Variants in MPHOSPH9 observed in about 807,000 individuals in gnomAD.
MPHOSPH9 encodes the protein M-phase phosphoprotein 9.
Under a neutral mutation model 145.5 loss-of-function variants are expected in MPHOSPH9, and 88 were observed. The observed-to-expected ratio is 0.60, with a 90% confidence interval of 0.51 to 0.72. The LOEUF (loss-of-function observed/expected upper bound fraction) is 0.72, where lower values mean the gene tolerates loss of function less well. Among genes scored for constraint, MPHOSPH9 ranks in the 30% least tolerant of loss-of-function variants. The pLI, the probability that MPHOSPH9 is intolerant of heterozygous loss-of-function variation, is 0.00. For synonymous variants in MPHOSPH9, 435 were observed against 486.2 expected (o/e 0.89, Z 1.39); for missense variants, 1,238 against 1,386.6 (o/e 0.89, Z 1.70).
chr12:123,214,689 T>C, intron 7 of MPHOSPH9, 55 bp downstream of exon 7: 1 of 1,367,214 alleles, frequency 7.3e-7, no homozygotes, highest in Non-Finnish European at 1.0e-6. Context: ...TCTAAGTACC[T>C]TCCTCTGAGT....
At chr12:123,198,873 A>G (rs919126645) in intron 11 of MPHOSPH9, among the ~76,000 whole-genome samples, 36 of 151,578 alleles carry the variant, frequency 2.4e-4, no homozygotes, top group African/African-American at 8.2e-4. Context: ...AAAAAAAGAC[A>G]TGCATAAAAT....
At chr12:123,177,000 G>T (rs764429307) in intron 15 of MPHOSPH9, among the ~76,000 whole-genome samples, 36 of 151,528 alleles carry the variant, frequency 2.4e-4, no homozygotes, top group Non-Finnish European at 3.4e-4. Context: ...GAACATCCTG[G>T]TCAATATGGT....
At chr12:123,156,976 G>A in intron 23 of MPHOSPH9, 68 bp from the exon 24 acceptor site, 1 of 1,200,254 alleles carries the variant, frequency 8.3e-7, no homozygotes, top group Non-Finnish European at 1.2e-6. Context: ...CCACCAAACT[G>A]ACCTTTCTTT....
intron 13 of MPHOSPH9, among the ~76,000 whole-genome samples, chr12:123,181,621 G>A (rs1462946500): frequency 6.6e-6 from 1 of 152,056 alleles, no homozygotes; most frequent in Non-Finnish European, 1.5e-5. Flanking sequence ...ACTTTGGGAG[G>A]CTGAGGTGGA....
chr12:123,223,210 C>G (rs758999964), intron 3 of MPHOSPH9, 83 bp from the exon 4 acceptor site: 1 of 836,068 alleles, frequency 1.2e-6, no homozygotes, highest in Non-Finnish European at 1.7e-6. Context: ...GTAAAAGAGC[C>G]CTTTTTAGGT....
rs779880394 is a variant in MPHOSPH9 at position 123,202,720 on chromosome 12, G to A, written c.1685C>T (p.Ser562Leu). The A allele has an allele frequency of 3.7e-6, 6 of 1,614,042 alleles. No homozygotes were observed. The highest frequency in any genetic ancestry group is 1.3e-5 in the African/African-American group (1 of 74,922). ...VDEENTVMVASASVSQSQLPG... is the reference protein window; with the variant it reads ...VDEENTVMVALASVSQSQLPG... ...AAGCTGGGACTGACTGACTGAGGCC[G>A]AAGCAACCATGACAGTGTTTTCTTC... is the stretch of plus-strand genomic sequence containing the variant. Residue 562 changes from serine (S) to leucine (L), a missense_variant, in exon 10 of 24, where the codon TCG becomes TTG. Physicochemically the swap from Ser to Leu is moderately radical, Grantham distance 145. Coordinates refer to ENST00000606320, the MANE Select transcript of MPHOSPH9 (RefSeq NM_022782.4).
At chr12:123,226,055 A>C (rs1444347778) in intron 3 of MPHOSPH9, among the ~76,000 whole-genome samples, 1 of 152,170 alleles carries the variant, frequency 6.6e-6, no homozygotes, top group East Asian at 1.9e-4. Flanking sequence ...CAAACAAATA[A>C]ACAAAAAGCT....
At chr12:123,163,314 A>C (rs2044184947) in intron 19 of MPHOSPH9, 180 bp from the exon 20 acceptor site, 1 of 600,492 alleles carries the variant, frequency 1.7e-6, no homozygotes. Context: ...CCTAGAGGTA[A>C]CCACTGTAAC....
At chr12:123,221,016 C>A (rs1020653762) in intron 5 of MPHOSPH9, among the ~76,000 whole-genome samples, 1 of 152,194 alleles carries the variant, frequency 6.6e-6, no homozygotes, top group Admixed American at 6.5e-5. Context: ...GATTGCGCCA[C>A]TGCACTCCAG....
At chr12:123,214,723 A>G in intron 7 of MPHOSPH9, 21 bp downstream of exon 7, 3 of 1,576,186 alleles carry the variant, frequency 1.9e-6, no homozygotes, top group Non-Finnish European at 2.6e-6. Context: ...GTTAAAAAAA[A>G]TAAAAATGTA....
At chr12:123,181,065 G>C (rs986205097) in intron 14 of MPHOSPH9, 98 bp downstream of exon 14, 6 of 1,134,172 alleles carry the variant, frequency 5.3e-6, no homozygotes, top group Non-Finnish European at 8.0e-6. Flanking sequence ...CGGAGGTTCA[G>C]GAAGGGGTGC....
At chr12:123,192,854 C>T (rs1027669359) in intron 13 of MPHOSPH9, among the ~76,000 whole-genome samples, 2 of 150,970 alleles carry the variant, frequency 1.3e-5, no homozygotes, top group Non-Finnish European at 1.5e-5. Flanking sequence ...CTCAGGTGGG[C>T]GGATCAAGAG....
chr12:123,219,994 G>T (rs1051945304), intron 5 of MPHOSPH9, among the ~76,000 whole-genome samples: 2 of 152,086 alleles, frequency 1.3e-5, no homozygotes, highest in African/African-American at 2.4e-5. Flanking sequence ...AGGAGTTCAA[G>T]ACCAGCCTGG....
intron 21 of MPHOSPH9, 38 bp downstream of exon 21, chr12:123,162,077 G>T: frequency 7.7e-7 from 1 of 1,296,678 alleles, no homozygotes; most frequent in Non-Finnish European, 1.1e-6. Context: ...AAAAATGAAT[G>T]ATTAAAACCA....
upstream of MPHOSPH9, among the ~76,000 whole-genome samples, chr12:123,234,459 G>C (rs1037679067): frequency 7.9e-5 from 12 of 152,110 alleles, no homozygotes; most frequent in African/African-American, 2.9e-4. Flanking sequence ...GCAGTGGCGC[G>C]ATCTCGGCTC....
Position 123,221,598 on chromosome 12 carries a change from T to C in MPHOSPH9, c.646A>G (p.Lys216Glu). Residue 216 changes from lysine to glutamate, a missense_variant, in exon 5 of 24, where the codon AAG (lysine) becomes GAG (glutamate). Physicochemically the swap from Lys to Glu is moderately conservative, Grantham distance 56. Coordinates refer to ENST00000606320, the MANE Select transcript of MPHOSPH9 (RefSeq NM_022782.4). ...ACATCTATGTGCTCCATGAACTCCT[T>C]AGGGTCTTTAGATTTGTACAGATTT... is the stretch of plus-strand genomic sequence containing the variant. Reference protein sequence around the residue: ...ELNLYKSKDPKEFMEHIDVPK... With the variant: ...ELNLYKSKDPEEFMEHIDVPK... The C allele has an allele frequency of 6.2e-7, 1 of 1,614,146 alleles. No homozygotes were observed. The highest frequency in any genetic ancestry group is 8.5e-7 in the Non-Finnish European group (1 of 1,179,980).
At chr12:123,162,049 A>G (rs188363036) in intron 21 of MPHOSPH9, 66 bp downstream of exon 21, 13 of 1,033,930 alleles carry the variant, frequency 1.3e-5, no homozygotes, top group Admixed American at 9.4e-5. Context: ...TAGAACACTG[A>G]GAGATACCAG....
At chr12:123,216,061 C>G (rs1259110815) in intron 6 of MPHOSPH9, among the ~76,000 whole-genome samples, 1 of 152,062 alleles carries the variant, frequency 6.6e-6, no homozygotes, top group African/African-American at 2.4e-5. Context: ...CACGGTGAAA[C>G]CCCGTCTCTA....
chr12:123,210,427 T>C (rs2046651694), intron 7 of MPHOSPH9, among the ~76,000 whole-genome samples: 1 of 152,132 alleles, frequency 6.6e-6, no homozygotes, highest in Non-Finnish European at 1.5e-5. Flanking sequence ...GCATGGTAGC[T>C]CACGCCTGTA....
Sources: allele counts gnomAD v4.1 joint callset (sites outside exome capture counted in the v4.1 genomes callset), GRCh38; gene constraint gnomAD v4.1.1; transcripts MANE v1.5; gene names NCBI Gene and HGNC (gene_info 2026-07-23, HGNC 2026-07-21).